Variants in ACSS3 observed in about 807,000 individuals in gnomAD.
ACSS3 encodes acyl-CoA synthetase short-chain family member 3, mitochondrial.
A neutral mutation model predicts 84.2 loss-of-function variants in ACSS3; 64 were observed. The ratio of observed to expected loss-of-function variants is 0.76; its 90% CI spans 0.62 to 0.94. The LOEUF (loss-of-function observed/expected upper bound fraction) is 0.94. Among genes scored for constraint, ACSS3 ranks in the 40% least tolerant of loss-of-function variants. The pLI is 0.00. For missense variants in ACSS3, 815 were observed against 867.6 expected (o/e 0.94, Z 0.76); for synonymous variants, 317 against 310.1 (o/e 1.02, Z -0.23).
intron 7 of ACSS3, among the ~76,000 whole-genome samples, chr12:81,174,379 C>A (rs1253779855): frequency 6.6e-6 from 1 of 151,916 alleles, no homozygotes; most frequent in Non-Finnish European, 1.5e-5. Context: ...TTTCTTTTTT[C>A]TCAAATGTTT....
chr12:81,198,491 A>G (rs979800844), intron 8 of ACSS3, among the ~76,000 whole-genome samples: 2 of 151,866 alleles, frequency 1.3e-5, no homozygotes, highest in African/African-American at 4.8e-5. Context: ...TTGTTTGTCA[A>G]CTGTTTGTGT....
At chr12:81,181,420 T>A (rs867561955) in intron 8 of ACSS3, among the ~76,000 whole-genome samples, 1 of 152,016 alleles carries the variant, frequency 6.6e-6, no homozygotes, top group Middle Eastern at 3.2e-3. Context: ...TTCTCTGAAG[T>A]TTGGAAGAGG....
At chr12:81,149,127 G>T (rs1487967962) in intron 5 of ACSS3, among the ~76,000 whole-genome samples, 1 of 151,638 alleles carries the variant, frequency 6.6e-6, no homozygotes, top group Non-Finnish European at 1.5e-5. Flanking sequence ...AAATAATAGA[G>T]ATTCGAAAGA....
At chr12:81,155,611 C>A (rs1331357609) in intron 7 of ACSS3, among the ~76,000 whole-genome samples, 2 of 152,222 alleles carry the variant, frequency 1.3e-5, no homozygotes, top group Non-Finnish European at 2.9e-5. Context: ...TTGCATCTCA[C>A]ACTCTGCTGG....
At chr12:81,180,045 A>G (rs2030815226) in intron 8 of ACSS3, among the ~76,000 whole-genome samples, 1 of 152,198 alleles carries the variant, frequency 6.6e-6, no homozygotes, top group Non-Finnish European at 1.5e-5. Flanking sequence ...ATAGAATACT[A>G]CACAGCCATA....
chr12:81,177,384 GATA>G (rs1565705935), intron 8 of ACSS3, among the ~76,000 whole-genome samples: 1 of 152,134 alleles, frequency 6.6e-6, no homozygotes, highest in African/African-American at 2.4e-5. Flanking sequence ...TCTCTTTGCA[GATA>G]ATATGATTCT....
In ACSS3 at chr12:81,143,153, A is replaced by C. The variant is rs771316510; in HGVS notation, c.827A>C (p.Glu276Ala). 1 of 1,613,838 alleles carries C rather than the reference A, an allele frequency of 6.2e-7. No individual in the cohort carries two copies. The highest frequency in any genetic ancestry group is 8.5e-7 in the Non-Finnish European group (1 of 1,179,794). The part of the protein sequence containing the change: ...APGRDLDWDE[E>A]MAKAQSHDCV... ...GGTCGTGACCTTGATTGGGATGAAG[A>C]GATGGCAAAAGCCCAGTCACATGAC... The change falls in exon 5 of 16, where the codon GAG (glutamate) becomes GCG (alanine). Residue 276 changes from glutamate to alanine, a missense_variant. Physicochemically the swap from Glu to Ala is moderately radical, Grantham distance 107 (BLOSUM62 -1). Coordinates refer to ENST00000548058, the MANE Select transcript of ACSS3 (RefSeq NM_024560.4).
chr12:81,091,096 C>A (rs78646967), intron 1 of ACSS3, among the ~76,000 whole-genome samples: 2 of 151,382 alleles, frequency 1.3e-5, no homozygotes, highest in Non-Finnish European at 3.0e-5. Flanking sequence ...TTTTGATTCA[C>A]GGTTGGTTGA....
intron 11 of ACSS3, 49 bp from the exon 12 acceptor site, chr12:81,231,008 C>T (rs1406814117): frequency 5.7e-6 from 8 of 1,392,736 alleles, no homozygotes; most frequent in Non-Finnish European, 7.1e-6. Context: ...ATCAACCTGT[C>T]TTTATTACCA....
rs1293672627 is a variant in ACSS3, at chr12:81,254,939, C to CTAT, written c.*19_*21dup. 1 of 1,552,856 alleles carries CTAT rather than the reference C, an allele frequency of 6.4e-7. No individual in the cohort carries two copies. The highest frequency in any genetic ancestry group is 1.9e-5 in the Admixed American group (1 of 52,872). On this transcript the variant is annotated 3_prime_UTR_variant, in exon 16 of 16. Coordinates refer to ENST00000548058, the MANE Select transcript of ACSS3 (RefSeq NM_024560.4). ...CAAGCATAATGAGTTTGTCTTATTCCTATTTTGAGTTGATTTAATTTCTTA... is the reference window on the plus strand; with the variant it reads ...CAAGCATAATGAGTTTGTCTTATTCCTATTATTTTGAGTTGATTTAATTTCTTA...
intron 7 of ACSS3, among the ~76,000 whole-genome samples, chr12:81,160,985 G>A (rs553625858): frequency 3.1e-4 from 47 of 152,220 alleles, no homozygotes; most frequent in Non-Finnish European, 5.3e-4. Context: ...TAATTCCCAC[G>A]ATATAATAGT....
intron 4 of ACSS3, 48 bp downstream of exon 4, chr12:81,139,313 A>G (rs1363667791): frequency 6.3e-7 from 1 of 1,592,262 alleles, no homozygotes; most frequent in South Asian, 1.1e-5. Context: ...ATATGCTAAG[A>G]ATGAGTTTAG....
intron 7 of ACSS3, among the ~76,000 whole-genome samples, chr12:81,156,104 G>A (rs1434710644): frequency 1.3e-5 from 2 of 151,504 alleles, no homozygotes; most frequent in African/African-American, 2.4e-5. Flanking sequence ...AGAGTTAACA[G>A]GAAAATCCCC....
chr12:81,212,074 A>G (rs1372899871), intron 9 of ACSS3, among the ~76,000 whole-genome samples: 3 of 152,080 alleles, frequency 2.0e-5, no homozygotes, highest in Non-Finnish European at 2.9e-5. Flanking sequence ...CTTCTCAGGG[A>G]GGTCTTTCTT....
intron 8 of ACSS3, among the ~76,000 whole-genome samples, chr12:81,178,522 A>G (rs1326297768): frequency 6.6e-6 from 1 of 152,172 alleles, no homozygotes; most frequent in Non-Finnish European, 1.5e-5. Flanking sequence ...CTGAGAGCCA[A>G]ATAAAAAATG....
chr12:81,146,301 G>A (rs1350857078), intron 5 of ACSS3, among the ~76,000 whole-genome samples: 2 of 151,894 alleles, frequency 1.3e-5, no homozygotes, highest in African/African-American at 4.8e-5. Context: ...ATTTTTCATA[G>A]GTATAATCAG....
At chr12:81,139,086 T>C in intron 3 of ACSS3, 45 bp from the exon 4 acceptor site, 4 of 1,582,430 alleles carry the variant, frequency 2.5e-6, no homozygotes, top group Non-Finnish European at 3.5e-6. Context: ...ATTACCTAAT[T>C]AACATTGTTA....
intron 13 of ACSS3, among the ~76,000 whole-genome samples, chr12:81,242,401 G>A (rs1306823082): frequency 2.0e-5 from 3 of 151,358 alleles, no homozygotes; most frequent in Non-Finnish European, 3.0e-5. Context: ...AGGACCAGAT[G>A]GATTCACAGC....
intron 2 of ACSS3, among the ~76,000 whole-genome samples, chr12:81,115,641 T>G (rs545282136): frequency 9.9e-5 from 15 of 152,252 alleles, no homozygotes; most frequent in African/African-American, 3.6e-4. Flanking sequence ...TAATATCTTT[T>G]GTCCATTAAT....
Sources: allele counts gnomAD v4.1 joint callset (sites outside exome capture counted in the v4.1 genomes callset), GRCh38; gene constraint gnomAD v4.1.1; transcripts MANE v1.5; gene names NCBI Gene and HGNC (gene_info 2026-07-23, HGNC 2026-07-21).